The following RFX4 variants were observed in gnomAD, a reference collection of about 807,000 sequenced individuals.
RFX4 encodes the protein transcription factor RFX4.
RFX4 carries 10 observed loss-of-function variants against 95.0 expected under a neutral mutation model. The observed-to-expected ratio is 0.11, with a 90% confidence interval of 0.06 to 0.18. RFX4 has a LOEUF of 0.18. Ranked by LOEUF, RFX4 falls within the 10% of genes least tolerant of loss-of-function variation. RFX4 has a pLI of 1.00. For synonymous variants in RFX4, 321 were observed against 340.7 expected, an observed-to-expected ratio of 0.94 and a Z score of 0.64; for missense variants, 640 against 922.0, an observed-to-expected ratio of 0.69 and a Z score of 3.96.
Position 106,733,077 on chromosome 12 carries a change from G to T in RFX4, c.1625G>T (p.Ser542Ile), listed in dbSNP as rs1489028698. 5 of 1,614,130 alleles carry T rather than the reference G, an allele frequency of 3.1e-6. No individual in the cohort carries two copies. The highest frequency in any genetic ancestry group is 3.3e-4 in the Middle Eastern group (2 of 6,062). Residue 542 changes from serine to isoleucine, a missense_variant, in exon 15 of 18, where the codon AGC becomes ATC. Ser to Ile is a moderately radical substitution (Grantham distance 142). Transcript: ENST00000392842. The part of the protein sequence containing the change: ...SNPSPEYTGL[S>I]TTGAMQSYTW... ...CCTTCCCCTGAGTACACTGGCCTCA[G>T]CACTACAGGTAATGGAAAGTCCTTC...
chr12:106,750,472 G>T (rs2042979281), intron 16 of RFX4, among the ~76,000 whole-genome samples, 183 bp from the exon 17 acceptor site: 1 of 114,024 alleles, frequency 8.8e-6, no homozygotes, highest in South Asian at 3.0e-4. Flanking sequence ...ATGAGACCCT[G>T]ACTCAAAAAA....
chr12:106,583,220 T>C lies in RFX4; in HGVS notation c.-101T>C. ...ACTTTCTGCGTCTCTCTCTCTCCCC[T>C]TCTCCCTCCCTCCCTCCCTTCCTCC... is the stretch of plus-strand genomic sequence containing the variant. On this transcript the variant is annotated 5_prime_UTR_variant, in exon 1 of 18. Coordinates refer to ENST00000392842, the MANE Select transcript of RFX4 (RefSeq NM_213594.3). 1.0e-6 allele frequency: 1 copy of C among 968,186 alleles called. No individual in the cohort carries two copies. Among genetic ancestry groups the C allele is most frequent in the Non-Finnish European group, 1.5e-6 (1 of 661,174 alleles). The allele number at this position is 968,186 out of a possible 1,614,324, so 60.0% of individuals were successfully genotyped here.
chr12:106,601,382 G>A (rs770003802), intron 1 of RFX4: 4 of 1,553,872 alleles, frequency 2.6e-6, no homozygotes, highest in Non-Finnish European at 3.5e-6. Flanking sequence ...AGACTGGGGT[G>A]GGCCTGGCAC....
At chr12:106,628,639 C>A (rs990538449) in intron 2 of RFX4, among the ~76,000 whole-genome samples, 1 of 152,172 alleles carries the variant, frequency 6.6e-6, no homozygotes, top group Non-Finnish European at 1.5e-5. Flanking sequence ...ATTGAGAAGT[C>A]CTGGTCTCAC....
intron 4 of RFX4, among the ~76,000 whole-genome samples, chr12:106,671,820 C>A (rs965315526): frequency 8.5e-5 from 13 of 152,050 alleles, no homozygotes; most frequent in Non-Finnish European, 1.8e-4. Context: ...CGCCACCACG[C>A]CTGACTAGTT....
At chr12:106,611,907 T>C (rs2039969262) in intron 2 of RFX4, among the ~76,000 whole-genome samples, 1 of 152,246 alleles carries the variant, frequency 6.6e-6, no homozygotes, top group African/African-American at 2.4e-5. Flanking sequence ...CTTGGCACCA[T>C]TGTCAAAAAA....
rs1282795082 is a variant in RFX4, at chr12:106,762,460, CTGTGTA to C, written c.*997_*1002del. ...GCTGTGCCTTTGAGCCTATACTATACTGTGTATGTGTGGAAATAAAAATGTATTGTA... is the reference window on the plus strand; with the variant it reads ...GCTGTGCCTTTGAGCCTATACTATACTGTGTGGAAATAAAAATGTATTGTA... On this transcript the variant is annotated 3_prime_UTR_variant, in exon 18 of 18. Transcript: ENST00000392842. The C allele has an allele frequency of 3.3e-5, 5 of 152,428 alleles. No individual in the cohort carries two copies. Among genetic ancestry groups the C allele is most frequent in the African/African-American group, 1.2e-4 (5 of 41,382 alleles). The allele number at this position is 152,428 out of a possible 1,614,324, so 9.4% of individuals were successfully genotyped here.
chr12:106,699,427 T>G (rs1490083382), intron 8 of RFX4, among the ~76,000 whole-genome samples: 1 of 152,192 alleles, frequency 6.6e-6, no homozygotes, highest in Non-Finnish European at 1.5e-5. Flanking sequence ...AGTTAATTGA[T>G]AGTATTGTTT....
At chr12:106,712,098 A>C (rs2042201849) in intron 10 of RFX4, among the ~76,000 whole-genome samples, 1 of 152,284 alleles carries the variant, frequency 6.6e-6, no homozygotes, top group Non-Finnish European at 1.5e-5. Context: ...CTGTTAAGGC[A>C]ACCGATTAAC....
At chr12:106,690,619 C>T (rs931106685) in intron 7 of RFX4, among the ~76,000 whole-genome samples, 6 of 152,144 alleles carry the variant, frequency 3.9e-5, no homozygotes, top group South Asian at 2.1e-4. Flanking sequence ...TTCCACCCTG[C>T]CCTAGAACCT....
intron 9 of RFX4, 125 bp downstream of exon 9, chr12:106,709,555 T>C (rs2042153032): frequency 1.6e-6 from 1 of 631,780 alleles, no homozygotes; most frequent in Non-Finnish European, 2.7e-6. Context: ...CCAGGTATTA[T>C]ACTAATTACT....
intron 1 of RFX4, among the ~76,000 whole-genome samples, chr12:106,590,195 G>A (rs188390671): frequency 7.5e-4 from 115 of 152,372 alleles, no homozygotes; most frequent in Non-Finnish European, 2.6e-4. Flanking sequence ...CATTTGGTCT[G>A]GAAGCTTAAT....
rs1353122977 is a variant in RFX4, at chr12:106,730,461, C to A, written c.1352-1669C>A. On this transcript the variant is annotated intron_variant, in intron 13 of 17. Transcript: ENST00000392842. Reference sequence around the variant, plus strand: ...AATGGGAACAGATTACGGAGCCAGACCAAACTGAGGCAAATCCCTACTTGA... The same window carrying A: ...AATGGGAACAGATTACGGAGCCAGAACAAACTGAGGCAAATCCCTACTTGA... Among the ~76,000 whole-genome samples the A allele has an allele frequency of 2.0e-5, 3 of 152,248 alleles. No homozygotes were observed. The East Asian group carries it at 5.8e-4, about 29-fold the overall frequency.
intron 2 of RFX4, among the ~76,000 whole-genome samples, chr12:106,627,747 G>A: frequency 6.6e-6 from 1 of 152,198 alleles, no homozygotes; most frequent in Non-Finnish European, 1.5e-5. Flanking sequence ...AAGACGGAAG[G>A]AACTGCTCGG....
At chr12:106,654,459 A>C in intron 4 of RFX4, 108 bp downstream of exon 4, 1 of 1,324,954 alleles carries the variant, frequency 7.5e-7, no homozygotes, top group East Asian at 2.6e-5. Context: ...CAAAGTACTT[A>C]CTTACTTTGG....
In RFX4 at chr12:106,750,714, G is replaced by A. The variant is rs772023679; in HGVS notation, c.1856G>A (p.Ser619Asn). The change falls in exon 17 of 18, where the codon AGC (serine) becomes AAC (asparagine). Residue 619 changes from serine to asparagine, a missense_variant. Ser to Asn is a conservative substitution (Grantham distance 46, BLOSUM62 1). Transcript: ENST00000392842. Reference protein sequence around the residue: ...YGNQHPHPMQSQYPALPHDTA... With the variant: ...YGNQHPHPMQNQYPALPHDTA... ...AACCAGCATCCTCACCCCATGCAGA[G>A]CCAGTATCCGGCCCTCCCTCATGAC... 1.9e-6 allele frequency: 3 copies of A among 1,611,732 alleles called. No individual in the cohort carries two copies. In the Admixed American group the frequency reaches 5.0e-5, roughly 27 times the overall value.
At chr12:106,719,859 G>A in intron 11 of RFX4, 101 bp from the exon 12 acceptor site, 1 of 913,090 alleles carries the variant, frequency 1.1e-6, no homozygotes, top group East Asian at 2.4e-5. Context: ...TTTATTTAAA[G>A]TTTTACTTTA....
chr12:106,756,829 G>T (rs1295069925), intron 17 of RFX4, among the ~76,000 whole-genome samples: 1 of 152,088 alleles, frequency 6.6e-6, no homozygotes, highest in Non-Finnish European at 1.5e-5. Context: ...TATATTTAGG[G>T]TAATTTTATA....
At position 106,654,307 on chromosome 12, in the gene RFX4, G is replaced by A. The variant is rs1273596301; in HGVS notation, c.271G>A (p.Glu91Lys). 1.2e-6 allele frequency: 2 copies of A among 1,614,028 alleles called. No individual in the cohort carries two copies. The highest frequency in any genetic ancestry group is 2.2e-5 in the East Asian group (1 of 44,878). Residue 91 changes from glutamate to lysine, a missense_variant, in exon 4 of 18, where the codon GAG becomes AAG. By Grantham distance (56) the Glu-to-Lys change is moderately conservative. Around this residue, in one of 7 missense-constraint regions of RFX4, gnomAD observed 89 missense variants for 173.8 expected, o/e 0.51. Transcript: ENST00000392842. ...CTATATGCATTACCTGGATTTCTGC[G>A]AGAAGAATGATACCCAACCTGTCAA... ...ALYMHYLDFCEKNDTQPVNAA... is the reference protein window; with the variant it reads ...ALYMHYLDFCKKNDTQPVNAA...
Sources: gnomAD v4.1 joint callset for allele counts (sites outside exome capture counted in the v4.1 genomes callset) on GRCh38, gnomAD v4.1.1 for gene constraint, gnomAD v4.1.1 regional missense constraint, MANE v1.5 for transcripts, NCBI Gene and HGNC (gene_info 2026-07-23, HGNC 2026-07-21) for gene names.